Variants in PHTF2 observed in about 807,000 individuals in gnomAD.
PHTF2 encodes putative homeodomain transcription factor 2.
A neutral mutation model predicts 101.2 loss-of-function variants in PHTF2; 60 were observed. The observed-to-expected ratio is 0.59, with a 90% CI of 0.48 to 0.73. PHTF2 has a LOEUF of 0.73. PHTF2 is among the 30% of genes least tolerant of loss of function. The pLI, the probability that PHTF2 is intolerant of heterozygous loss-of-function variation, is 0.00. For synonymous variants in PHTF2, 311 were observed against 307.3 expected, an observed-to-expected ratio of 1.01 and a Z score of -0.13; for missense variants, 747 against 908.7, an observed-to-expected ratio of 0.82 and a Z score of 2.29.
chr7:77,923,198 TTTTC>T, intron 11 of PHTF2: 1 of 924,110 alleles, frequency 1.1e-6, no homozygotes, highest in Non-Finnish European at 1.3e-6. Context: ...TTCAGTTCTT[TTTTC>T]TTTGTTTCTA....
chr7:77,890,022 G>GCCC lies in PHTF2; in HGVS notation c.148-3579_148-3577dup, dbSNP rs59593439. ...ATCTAGTTTAAAAAAATTAAGACGC[G>GCCC]CCCCCCCCCACCACCATGAGACATT... On this transcript the variant is annotated intron_variant, in intron 3 of 19. Coordinates refer to ENST00000416283, the Ensembl canonical transcript of PHTF2. 6.9e-4 allele frequency among the ~76,000 whole-genome samples: 101 copies of GCCC among 146,110 alleles called. No homozygotes were observed. In the South Asian group the frequency reaches 9.2e-3, roughly 13 times the overall value.
Position 77,912,609 on chromosome 7 carries a change from G to C in PHTF2, c.776+2200G>C, listed in dbSNP as rs371808807. Among the ~76,000 whole-genome samples the C allele has an allele frequency of 4.6e-5, 7 of 150,824 alleles. No individual in the cohort carries two copies. The South Asian group carries it at 6.3e-4, about 14-fold the overall frequency. On this transcript the variant is annotated intron_variant, in intron 9 of 19. Transcript: ENST00000416283. ...ACACAGATACCTAAGCTTTGTGTAT[G>C]GTATGTTGATGGTTTTCTAGATGTT...
intron 1 of PHTF2, among the ~76,000 whole-genome samples, chr7:77,836,273 G>A (rs376091040): frequency 9.9e-5 from 15 of 152,142 alleles, no homozygotes; most frequent in Admixed American, 2.0e-4. Flanking sequence ...TTCCTGGATA[G>A]CAGAGGCAGA....
intron 3 of PHTF2, among the ~76,000 whole-genome samples, chr7:77,855,109 C>G (rs1797070590): frequency 6.6e-6 from 1 of 152,248 alleles, no homozygotes; most frequent in Admixed American, 6.5e-5. Flanking sequence ...GGGTCTCACC[C>G]AAGACCTGCA....
chr7:77,834,840 A>AT (rs1402758530), intron 1 of PHTF2, among the ~76,000 whole-genome samples: 1 of 152,030 alleles, frequency 6.6e-6, no homozygotes, highest in Non-Finnish European at 1.5e-5. Flanking sequence ...ATGTTGCCAC[A>AT]TTTTTTCCTT....
intron 1 of PHTF2, among the ~76,000 whole-genome samples, chr7:77,815,665 G>T (rs2150501902): frequency 6.6e-6 from 1 of 152,300 alleles, no homozygotes; most frequent in African/African-American, 2.4e-5. Flanking sequence ...CATCTGCAGG[G>T]TCATAGAGAA....
In PHTF2 at chr7:77,893,967, C is replaced by A. The variant is rs1352687779; in HGVS notation, c.205-15C>A. On this transcript the variant is annotated splice_polypyrimidine_tract_variant and intron_variant, in intron 4 of 19. Coordinates refer to ENST00000416283, the Ensembl canonical transcript of PHTF2. The stretch of plus-strand genomic sequence containing the variant: ...TGCTTTTTCTCCCTTTTGATGCTGT[C>A]ATTGCTCTGTACAGTTTATTAAACT... The A allele has an allele frequency of 6.3e-7, 1 of 1,591,486 alleles. No individual in the cohort carries two copies. Among genetic ancestry groups the A allele is most frequent in the Non-Finnish European group, 8.6e-7 (1 of 1,159,826 alleles).
At chr7:77,925,265 T>C (rs1364874319) in intron 11 of PHTF2, among the ~76,000 whole-genome samples, 1 of 152,138 alleles carries the variant, frequency 6.6e-6, no homozygotes, top group African/African-American at 2.4e-5. Context: ...AAATAAATAC[T>C]ATGTGTTCTC....
intron 2 of PHTF2, among the ~76,000 whole-genome samples, chr7:77,843,864 G>A (rs1018737111): frequency 3.9e-5 from 6 of 152,068 alleles, no homozygotes; most frequent in Admixed American, 3.9e-4. Context: ...ATTTTTAAAA[G>A]TTTTAATATT....
intron 18 of PHTF2, among the ~76,000 whole-genome samples, chr7:77,953,169 G>A (rs1806704411): frequency 6.6e-6 from 1 of 151,996 alleles, no homozygotes; most frequent in Admixed American, 6.6e-5. Flanking sequence ...TTCCTCTATG[G>A]CCCCATTATT....
intron 1 of PHTF2, among the ~76,000 whole-genome samples, chr7:77,831,553 TCTA>T (rs1417771442): frequency 6.6e-6 from 1 of 152,218 alleles, no homozygotes; most frequent in Non-Finnish European, 1.5e-5. Flanking sequence ...GGTTGACAAG[TCTA>T]CTGACGTTGA....
chr7:77,816,887 C>T lies in PHTF2; in HGVS notation c.-36+17916C>T, dbSNP rs564828375. On this transcript the variant is annotated intron_variant, in intron 1 of 19. Coordinates refer to ENST00000416283, the Ensembl canonical transcript of PHTF2. ...TCCTCCAGTTCCATCCATGTTGCTG[C>T]GAATGACAGGATTTGATTCTTTTTA... Among the ~76,000 whole-genome samples the T allele has an allele frequency of 5.2e-4, 79 of 152,286 alleles. 1 individual carries two copies. The South Asian group carries it at 0.016, about 30-fold the overall frequency.
At chr7:77,900,631 G>T in intron 5 of PHTF2, 80 bp from the exon 5 acceptor site, 1 of 753,546 alleles carries the variant, frequency 1.3e-6, no homozygotes. Context: ...ATTTTAAATT[G>T]AAAGCTTTAG....
intron 3 of PHTF2, among the ~76,000 whole-genome samples, chr7:77,875,900 A>G (rs867941258): frequency 2.0e-5 from 3 of 152,214 alleles, no homozygotes; most frequent in African/African-American, 4.8e-5. Flanking sequence ...GTGCCACACA[A>G]TGTCTGAAAG....
chr7:77,890,040 G>T (rs968344003), intron 3 of PHTF2, among the ~76,000 whole-genome samples: 2 of 141,976 alleles, frequency 1.4e-5, no homozygotes, highest in African/African-American at 2.7e-5. Context: ...CCACCACCAT[G>T]AGACATTCTA....
At chr7:77,954,253 C>G (rs929536918) in intron 19 of PHTF2, among the ~76,000 whole-genome samples, 11 of 152,046 alleles carry the variant, frequency 7.2e-5, no homozygotes, top group African/African-American at 2.4e-4. Context: ...CCTGCCTCAG[C>G]CTCCCAAGTA....
intron 1 of PHTF2, chr7:77,839,980 A>G: frequency 6.6e-6 from 2 of 301,334 alleles, no homozygotes; most frequent in Non-Finnish European, 1.2e-5. Flanking sequence ...AATTCAATCT[A>G]TTTTGTAAGA....
At chr7:77,831,429 A>C (rs1257622487) in intron 1 of PHTF2, among the ~76,000 whole-genome samples, 1 of 152,234 alleles carries the variant, frequency 6.6e-6, no homozygotes, top group East Asian at 1.9e-4. Context: ...GCTGCAGTTC[A>C]GAAGGTGGCA....
intron 16 of PHTF2, among the ~76,000 whole-genome samples, chr7:77,947,335 G>A (rs913891315): frequency 6.6e-6 from 1 of 151,774 alleles, no homozygotes; most frequent in African/African-American, 2.4e-5. Flanking sequence ...GCCTACGTGG[G>A]CGGATCACCT....
Sources: gnomAD v4.1 joint callset for allele counts (sites outside exome capture counted in the v4.1 genomes callset) on GRCh38, gnomAD v4.1.1 for gene constraint, MANE v1.5 for transcripts, NCBI Gene and HGNC (gene_info 2026-07-23, HGNC 2026-07-21) for gene names.